AOX1: variants seen among roughly 807,000 people sequenced by gnomAD.
The protein encoded by AOX1 is aldehyde oxidase 1.
In AOX1, 153 loss-of-function variants were observed where a neutral mutation model predicts 169.5. That is an observed-to-expected ratio of 0.90 (90% CI 0.79 to 1.03). AOX1 has a LOEUF of 1.03. Among genes scored for constraint, AOX1 ranks in the 50% least tolerant of loss-of-function variants. The pLI, the probability that AOX1 is intolerant of heterozygous loss-of-function variation, is 0.00. For missense variants in AOX1, 1,656 were observed against 1,663.9 expected, an observed-to-expected ratio of 1.00 and a Z score of 0.08; for synonymous variants, 562 against 581.9, an observed-to-expected ratio of 0.97 and a Z score of 0.49.
intron 12 of AOX1, among the ~76,000 whole-genome samples, 154 bp from the exon 13 acceptor site, chr2:200,611,230 A>G (rs1020881310): frequency 1.3e-5 from 2 of 152,242 alleles, no homozygotes; most frequent in Admixed American, 1.3e-4. Flanking sequence ...TGCAAGACGC[A>G]TTATAGGGTA....
chr2:200,650,142 C>T (rs2035551487), intron 25 of AOX1, among the ~76,000 whole-genome samples: 1 of 152,220 alleles, frequency 6.6e-6, no homozygotes, highest in African/African-American at 2.4e-5. Context: ...TCCCACTAAA[C>T]TCTCTCCTGA....
chr2:200,637,875 C>T (rs1342457700), intron 22 of AOX1, among the ~76,000 whole-genome samples: 4 of 152,150 alleles, frequency 2.6e-5, no homozygotes, highest in African/African-American at 9.7e-5. Flanking sequence ...GTTAGATCTG[C>T]ATTCTTCCAT....
At chr2:200,630,093 G>C (rs1362781258) in intron 20 of AOX1, among the ~76,000 whole-genome samples, 1 of 151,506 alleles carries the variant, frequency 6.6e-6, no homozygotes, top group Non-Finnish European at 1.5e-5. Context: ...GAAAAAGGAA[G>C]CCGGGCATGG....
Position 200,601,073 on chromosome 2 carries a change from C to CTTTTTTTTT in AOX1, c.437-1201_437-1193dup, listed in dbSNP as rs58855977. Among the ~76,000 whole-genome samples, 7 of 120,478 alleles carry CTTTTTTTTT rather than the reference C, an allele frequency of 5.8e-5. 1 individual carries two copies. Among genetic ancestry groups the CTTTTTTTTT allele is most frequent in the African/African-American group, 6.2e-5 (2 of 32,122 alleles). The allele number at this position is 120,478 out of a possible 152,430, so 79.0% of individuals were successfully genotyped here. ...TTTCTGTCAGCTGAAGCTTAGAGTG[C>CTTTTTTTTT]TTTTTTTTTTTTTTTTTTGTCACAG... On this transcript the variant is annotated intron_variant, in intron 5 of 34. Transcript: ENST00000374700.
In AOX1 at chr2:200,642,856, G is replaced by T; in HGVS notation, c.2847+55G>T. On this transcript the variant is annotated intron_variant, in intron 25 of 34. Transcript: ENST00000374700. ...CATGTGGAATGTCAGAGACGGTAGG[G>T]CCTTTGGGGGCCATTCAGGTTGAGG... 3 of 1,514,400 alleles carry T rather than the reference G, an allele frequency of 2.0e-6. No individual in the cohort carries two copies. In the South Asian group the frequency reaches 3.7e-5, roughly 19 times the overall value. The allele number at this position is 1,514,400 out of a possible 1,614,324, so 93.8% of individuals were successfully genotyped here. A position where few individuals can be genotyped will look rare whatever the true frequency, so the allele number is the denominator to read the frequency against.
At chr2:200,658,026 T>G (rs1459941843) in intron 27 of AOX1, among the ~76,000 whole-genome samples, 1 of 152,246 alleles carries the variant, frequency 6.6e-6, no homozygotes, top group Non-Finnish European at 1.5e-5. Flanking sequence ...TGGCTGCATG[T>G]GGATACATAT....
At chr2:200,601,601 A>G (rs2034414193) in intron 5 of AOX1, among the ~76,000 whole-genome samples, 1 of 151,636 alleles carries the variant, frequency 6.6e-6, no homozygotes, top group Non-Finnish European at 1.5e-5. Context: ...TTGCATGTCA[A>G]TAACAGCTCA....
In AOX1 at chr2:200,612,598, G is replaced by C; in HGVS notation, c.1264-11G>C. ...GTGTTTCTACATGTGCCACTTAACT[G>C]TTTCTTTCAGTGGGAATTTGTGTCA... On this transcript the variant is annotated splice_polypyrimidine_tract_variant and intron_variant, in intron 13 of 34. Coordinates refer to ENST00000374700, the MANE Select transcript of AOX1 (RefSeq NM_001159.4). 1.2e-6 allele frequency: 2 copies of C among 1,612,276 alleles called. No individual in the cohort carries two copies. The highest frequency in any genetic ancestry group is 1.7e-6 in the Non-Finnish European group (2 of 1,179,388).
At chr2:200,609,216 T>C in intron 11 of AOX1, 81 bp downstream of exon 11, 1 of 1,596,452 alleles carries the variant, frequency 6.3e-7, no homozygotes, top group South Asian at 1.1e-5. Flanking sequence ...TTCATTCTTT[T>C]GGAACAGACA....
In AOX1 at chr2:200,670,992, C is replaced by T. The variant is rs952254420; in HGVS notation, c.*313C>T. 7.4e-5 allele frequency: 22 copies of T among 295,910 alleles called. No individual in the cohort carries two copies. The highest frequency in any genetic ancestry group is 4.7e-4 in the African/African-American group (22 of 46,464). The allele number at this position is 295,910 out of a possible 1,614,324, so 18.3% of individuals were successfully genotyped here. ...GGTGATGACTTGCATGTGACTCCTA[C>T]TTGGCTTCTATCCACCAACAGAAAT... On this transcript the variant is annotated 3_prime_UTR_variant, in exon 35 of 35. Coordinates refer to ENST00000374700, the MANE Select transcript of AOX1 (RefSeq NM_001159.4).
rs535586065 is a variant in AOX1 at position 200,604,425 on chromosome 2, C to A, written c.670-271C>A. ...CATAGAATGATTTAACAAGATTCAG[C>A]ATGTTACTATATTTGCTAACATTAA... On this transcript the variant is annotated intron_variant, in intron 8 of 34. Coordinates refer to ENST00000374700, the MANE Select transcript of AOX1 (RefSeq NM_001159.4). Among the ~76,000 whole-genome samples, 4 of 152,312 alleles carry A rather than the reference C, an allele frequency of 2.6e-5. No individual in the cohort carries two copies. The South Asian group carries it at 8.3e-4, about 32-fold the overall frequency.
Position 200,626,003 on chromosome 2 carries a change from C to T in AOX1, c.2125-1350C>T, listed in dbSNP as rs1013201314. Among the ~76,000 whole-genome samples, 8 of 152,230 alleles carry T rather than the reference C, an allele frequency of 5.3e-5. No individual in the cohort carries two copies. In the South Asian group the frequency reaches 8.3e-4, roughly 16 times the overall value. On this transcript the variant is annotated intron_variant, in intron 19 of 34. Coordinates refer to ENST00000374700, the MANE Select transcript of AOX1 (RefSeq NM_001159.4). The stretch of plus-strand genomic sequence containing the variant: ...TAATGGAAAAAAATGTGTTCCCTAC[C>T]GGAATCTGTCCTGAATAATAATCAT...
At chr2:200,617,388 T>G (rs2105717328) in intron 16 of AOX1, among the ~76,000 whole-genome samples, 1 of 151,364 alleles carries the variant, frequency 6.6e-6, no homozygotes, top group African/African-American at 2.4e-5. Flanking sequence ...GGAGACAGCA[T>G]TCTTCCTTCC....
chr2:200,616,382 C>T (rs1482240153), intron 16 of AOX1, among the ~76,000 whole-genome samples: 1 of 152,254 alleles, frequency 6.6e-6, no homozygotes. Flanking sequence ...GCACTGCAGG[C>T]ATCAGAGTCC....
intron 30 of AOX1, 47 bp from the exon 31 acceptor site, chr2:200,662,808 G>A (rs764859005): frequency 1.4e-6 from 2 of 1,472,180 alleles, no homozygotes; most frequent in Admixed American, 1.7e-5. Context: ...ATCATGGTCT[G>A]CAATTAGGGG....
At chr2:200,609,209 A>ATG in intron 11 of AOX1, 74 bp downstream of exon 11, 1 of 1,597,544 alleles carries the variant, frequency 6.3e-7, no homozygotes, top group Non-Finnish European at 8.5e-7. Flanking sequence ...TGACATTTTC[A>ATG]TTCTTTTGGA....
At chr2:200,618,744 G>A (rs76741639) in intron 16 of AOX1, among the ~76,000 whole-genome samples, 1 of 152,108 alleles carries the variant, frequency 6.6e-6, no homozygotes, top group Non-Finnish European at 1.5e-5. Flanking sequence ...AGAGGGCACT[G>A]GAGAACTGTA....
intron 25 of AOX1, among the ~76,000 whole-genome samples, chr2:200,647,237 T>G (rs1367266187): frequency 6.6e-6 from 1 of 152,258 alleles, no homozygotes; most frequent in East Asian, 1.9e-4. Flanking sequence ...AGGATTTGTT[T>G]CAAGATTTAG....
chr2:200,670,413 A>G (rs1178780225), intron 34 of AOX1, among the ~76,000 whole-genome samples: 3 of 151,970 alleles, frequency 2.0e-5, no homozygotes, highest in Admixed American at 2.0e-4. Flanking sequence ...GACCCACTCC[A>G]CTTTTCACTG....
Sources: allele counts gnomAD v4.1 joint callset (sites outside exome capture counted in the v4.1 genomes callset), GRCh38; gene constraint gnomAD v4.1.1; transcripts MANE v1.5; gene names NCBI Gene and HGNC (gene_info 2026-07-23, HGNC 2026-07-21).